The following PDE4D variants were observed in gnomAD, a reference collection of about 807,000 sequenced individuals.
The protein encoded by PDE4D is 3',5'-cyclic-AMP phosphodiesterase 4D.
PDE4D carries 24 observed loss-of-function variants against 87.4 expected under a neutral mutation model. The ratio of observed to expected loss-of-function variants is 0.27; its 90% confidence interval spans 0.20 to 0.39. The LOEUF (loss-of-function observed/expected upper bound fraction) is 0.39, where lower values mean the gene tolerates loss of function less well. Among genes scored for constraint, PDE4D ranks in the 10% least tolerant of loss-of-function variants. The pLI, the probability that PDE4D is intolerant of heterozygous loss-of-function variation, is 1.00. For synonymous variants in PDE4D, 384 were observed against 383.2 expected (o/e 1.00, Z -0.02); for missense variants, 714 against 1,041.0 (o/e 0.69, Z 4.32).
intron 1 of PDE4D, among the ~76,000 whole-genome samples, chr5:60,251,790 C>T (rs1463318493): frequency 2.6e-5 from 4 of 151,654 alleles, no homozygotes; most frequent in Admixed American, 1.3e-4. Context: ...TTTAGTGTAC[C>T]GTTAAGTGTA....
chr5:59,536,092 G>T (rs536465902), intron 1 of PDE4D, among the ~76,000 whole-genome samples: 1 of 152,302 alleles, frequency 6.6e-6, no homozygotes, highest in South Asian at 2.1e-4. Context: ...TAATGAAAGT[G>T]CTGTGAAATG....
chr5:59,599,309 C>T (rs113889859), intron 1 of PDE4D, among the ~76,000 whole-genome samples: 2,000 of 150,808 alleles, frequency 0.013, 32 homozygotes, highest in East Asian at 0.042. Context: ...GCAACCTCTG[C>T]CTCCCAGGTT....
chr5:59,234,998 CTTTT>C (rs1313358274), intron 1 of PDE4D, among the ~76,000 whole-genome samples: 1 of 151,976 alleles, frequency 6.6e-6, no homozygotes, highest in Non-Finnish European at 1.5e-5. Flanking sequence ...CACTCTTTTT[CTTTT>C]TTTATAGAAT....
intron 1 of PDE4D, among the ~76,000 whole-genome samples, chr5:59,730,639 T>A (rs756006811): frequency 4.6e-5 from 7 of 152,098 alleles, no homozygotes; most frequent in Non-Finnish European, 8.8e-5. Context: ...CTATAAATAG[T>A]CACAAAATGT....
At chr5:59,985,819 T>C (rs997898872) in intron 3 of PDE4D, among the ~76,000 whole-genome samples, 1 of 152,226 alleles carries the variant, frequency 6.6e-6, no homozygotes, top group Non-Finnish European at 1.5e-5. Context: ...GGAACCCACA[T>C]ATATGAAAAG....
intron 5 of PDE4D, among the ~76,000 whole-genome samples, chr5:59,109,442 C>A (rs1160583351): frequency 1.3e-5 from 2 of 152,194 alleles, no homozygotes; most frequent in Non-Finnish European, 2.9e-5. Flanking sequence ...TTAAGTGGAT[C>A]TTTTCATGGA....
intron 6 of PDE4D, among the ~76,000 whole-genome samples, chr5:59,017,160 G>A (rs1254157475): frequency 6.6e-6 from 1 of 152,176 alleles, no homozygotes; most frequent in Non-Finnish European, 1.5e-5. Context: ...CATCACGTGG[G>A]TCCTGAGGGT....
Position 59,216,995 on chromosome 5 carries a change from T to C in PDE4D, c.456-1027A>G, listed in dbSNP as rs150565899. On this transcript the variant is annotated intron_variant, in intron 1 of 14. Coordinates refer to ENST00000340635, the MANE Select transcript of PDE4D (RefSeq NM_001104631.2). ...GGAGACTCAGCGTATTCTTGGCACA[T>C]TGAAAACTGTGCCCAAGTGTCTTGA... 1.3e-4 allele frequency among the ~76,000 whole-genome samples: 20 copies of C among 152,312 alleles called. No homozygotes were observed. In the East Asian group the frequency reaches 3.7e-3, roughly 28 times the overall value.
intron 1 of PDE4D, among the ~76,000 whole-genome samples, chr5:59,221,536 G>A (rs575559273): frequency 6.6e-6 from 1 of 152,104 alleles, no homozygotes; most frequent in Non-Finnish European, 1.5e-5. Flanking sequence ...AGAGGTGGAG[G>A]CAGGAGGATC....
chr5:59,161,240 CAT>C (rs1207942613), intron 5 of PDE4D, among the ~76,000 whole-genome samples: 1 of 152,188 alleles, frequency 6.6e-6, no homozygotes, highest in Non-Finnish European at 1.5e-5. Flanking sequence ...GTCCTGAAGA[CAT>C]GTGCCCAAGG....
At chr5:60,105,419 C>T (rs1007753312) in intron 2 of PDE4D, among the ~76,000 whole-genome samples, 1 of 152,124 alleles carries the variant, frequency 6.6e-6, no homozygotes, top group Non-Finnish European at 1.5e-5. Context: ...GAGAATGGAA[C>T]CAAGTTGGAA....
intron 1 of PDE4D, among the ~76,000 whole-genome samples, chr5:59,365,783 C>T (rs1317265969): frequency 6.6e-6 from 1 of 152,150 alleles, no homozygotes; most frequent in Non-Finnish European, 1.5e-5. Context: ...AAAAATATCT[C>T]TGTGATCTGT....
Position 60,174,777 on chromosome 5 carries a change from A to G in PDE4D, c.42+10780T>C, listed in dbSNP as rs115956998. On this transcript the variant is annotated intron_variant, in intron 2 of 16. Transcript: ENST00000502484. Reference sequence around the variant, plus strand: ...ACATTTCTGAGGAGAAATTTGCTGTAATTCTTATCCTTACTTCTCTTTAGG... The same window carrying G: ...ACATTTCTGAGGAGAAATTTGCTGTGATTCTTATCCTTACTTCTCTTTAGG... Among the ~76,000 whole-genome samples, 472 of 152,112 alleles carry G rather than the reference A, an allele frequency of 3.1e-3. 3 individuals carry two copies. The highest frequency in any genetic ancestry group is 5.4e-3 in the Non-Finnish European group (367 of 67,946).
At chr5:59,740,248 T>C (rs1334012055) in intron 1 of PDE4D, among the ~76,000 whole-genome samples, 1 of 152,198 alleles carries the variant, frequency 6.6e-6, no homozygotes, top group Admixed American at 6.5e-5. Context: ...AATTTTCTAT[T>C]GTTTATTCTT....
intron 2 of PDE4D, among the ~76,000 whole-genome samples, chr5:60,048,698 C>A (rs554138923): frequency 6.6e-6 from 1 of 151,950 alleles, no homozygotes; most frequent in South Asian, 2.1e-4. Context: ...TTGGCCCCCA[C>A]TCTCTTCTGG....
chr5:60,267,062 T>C (rs1370214520), intron 1 of PDE4D, among the ~76,000 whole-genome samples: 1 of 152,186 alleles, frequency 6.6e-6, no homozygotes, highest in African/African-American at 2.4e-5. Flanking sequence ...CACTAAACTA[T>C]GTGCAGAATG....
intron 5 of PDE4D, among the ~76,000 whole-genome samples, chr5:59,045,537 G>C (rs865931094): frequency 1.9e-4 from 18 of 94,292 alleles, no homozygotes; most frequent in Admixed American, 4.5e-4. Context: ...TGGGCAACAA[G>C]AGCATAAAAA....
intron 1 of PDE4D, among the ~76,000 whole-genome samples, chr5:59,283,579 C>A (rs1174161126): frequency 1.3e-5 from 2 of 152,072 alleles, no homozygotes; most frequent in Non-Finnish European, 2.9e-5. Context: ...ATTTTTCCCA[C>A]CCTATATTGC....
intron 1 of PDE4D, among the ~76,000 whole-genome samples, chr5:60,312,195 G>A (rs373736551): frequency 6.6e-6 from 1 of 151,660 alleles, no homozygotes. Flanking sequence ...TCACCTAATT[G>A]GCCTAACAGA....
Sources: gnomAD v4.1 joint callset for allele counts (sites outside exome capture counted in the v4.1 genomes callset) on GRCh38, gnomAD v4.1.1 for gene constraint, MANE v1.5 for transcripts, NCBI Gene and HGNC (gene_info 2026-07-23, HGNC 2026-07-21) for gene names.